Variants in ZYX observed in about 807,000 individuals in gnomAD.
The protein encoded by ZYX is zyxin.
In ZYX, 37 loss-of-function variants were observed where a neutral mutation model predicts 58.1. The observed-to-expected ratio is 0.64, with a 90% CI of 0.49 to 0.84. The LOEUF is 0.84. Among genes scored for constraint, ZYX ranks in the 40% least tolerant of loss-of-function variants. The pLI is 0.00. For missense variants in ZYX, 762 were observed against 761.6 expected (o/e 1.00, Z -0.01); for synonymous variants, 324 against 321.1 (o/e 1.01, Z -0.10).
rs59995035 is a variant in ZYX, at chr7:143,385,660, C to CTTTTTTTTTTTTTTTTTTTTT, written c.1023+2344_1023+2364dup. Among the ~76,000 whole-genome samples, 26 of 68,968 alleles carry CTTTTTTTTTTTTTTTTTTTTT rather than the reference C, an allele frequency of 3.8e-4. 5 individuals are homozygous for CTTTTTTTTTTTTTTTTTTTTT. The highest frequency in any genetic ancestry group is 9.5e-4 in the Admixed American group (4 of 4,202). The allele number at this position is 68,968 out of a possible 152,430, so 45.2% of individuals were successfully genotyped here. A position where few individuals can be genotyped will look rare whatever the true frequency, so the allele number is the denominator to read the frequency against. Reference sequence around the variant, plus strand: ...TGTGTGAGCGTGTGGTGTGGTATATCTTTTTTTTTTTTTTTTTTTTTTTTT... The same window carrying CTTTTTTTTTTTTTTTTTTTTT: ...TGTGTGAGCGTGTGGTGTGGTATATCTTTTTTTTTTTTTTTTTTTTTTTTTTTTTTTTTTTTTTTTTTTTTT... On this transcript the variant is annotated intron_variant, in intron 5 of 9. Transcript: ENST00000322764.
chr7:143,388,305 G>A lies in ZYX; in HGVS notation c.1110G>A (p.Met370Ile), dbSNP rs1804939531. The A allele has an allele frequency of 6.2e-7, 1 of 1,613,728 alleles. No individual in the cohort carries two copies. The highest frequency in any genetic ancestry group is 1.3e-5 in the African/African-American group (1 of 74,848). Residue 370 changes from methionine to isoleucine, a missense_variant, in exon 6 of 10, where the codon ATG becomes ATA. Physicochemically the swap from Met to Ile is conservative, Grantham distance 10. Coordinates refer to ENST00000322764, the MANE Select transcript of ZYX (RefSeq NM_003461.5). This position sits in a 1 kb window ranked among gnomAD's most constrained non-coding sequence, Gnocchi z 7.5. ...TGACCCAGCAGCTAATGCAGGACATGGAGCATCCTCAGAGGCAGAATGTGG... is the reference window on the plus strand; with the variant it reads ...TGACCCAGCAGCTAATGCAGGACATAGAGCATCCTCAGAGGCAGAATGTGG... ...EQLTQQLMQDMEHPQRQNVAV... is the reference protein window; with the variant it reads ...EQLTQQLMQDIEHPQRQNVAV...
chr7:143,390,385 G>A lies in ZYX; in HGVS notation c.1615-193G>A, dbSNP rs1805028146. 1.7e-6 allele frequency: 1 copy of A among 593,358 alleles called. No individual in the cohort carries two copies. The highest frequency in any genetic ancestry group is 2.8e-5 in the East Asian group (1 of 35,378). The allele number at this position is 593,358 out of a possible 1,614,324, so 36.8% of individuals were successfully genotyped here. A position where few individuals can be genotyped will look rare whatever the true frequency, so the allele number is the denominator to read the frequency against. ...AGCTCTACCCACTGCTTGCCCTCTT[G>A]CAGGAAGGTCCTAGTGGGTGACTGG... On this transcript the variant is annotated intron_variant, in intron 9 of 9. Coordinates refer to ENST00000322764, the MANE Select transcript of ZYX (RefSeq NM_003461.5). This position sits in a 1 kb window ranked among gnomAD's most constrained non-coding sequence, Gnocchi z 4.3.
At chr7:143,386,361 C>T (rs917832379) in intron 5 of ZYX, among the ~76,000 whole-genome samples, 2 of 151,922 alleles carry the variant, frequency 1.3e-5, no homozygotes, top group African/African-American at 4.8e-5. Context: ...GGCTGGCTTC[C>T]ATGTCCTCAA....
At position 143,388,813 on chromosome 7, in the gene ZYX, G is replaced by A. The variant is rs768352370; in HGVS notation, c.1361G>A (p.Arg454His). 8.7e-6 allele frequency: 14 copies of A among 1,613,922 alleles called. No individual in the cohort carries two copies. Among genetic ancestry groups the A allele is most frequent in the Non-Finnish European group, 1.1e-5 (13 of 1,179,974 alleles). The stretch of plus-strand genomic sequence containing the variant: ...ACCTGCGGGGAGCCCATCACTGACC[G>A]CATGCTGAGGGCCACGGGCAAGGCC... ...CNTCGEPITD[R>H]MLRATGKAYH... The change falls in exon 8 of 10, where the codon CGC becomes CAC. Residue 454 changes from arginine (R) to histidine (H), a missense_variant. Physicochemically the swap from Arg to His is conservative, Grantham distance 29 (BLOSUM62 0). Coordinates refer to ENST00000322764, the MANE Select transcript of ZYX (RefSeq NM_003461.5). This position sits in a 1 kb window ranked among gnomAD's most constrained non-coding sequence, Gnocchi z 7.5.
In ZYX at chr7:143,389,205, G is replaced by A. The variant is rs1181614936; in HGVS notation, c.1493+260G>A. Among the ~76,000 whole-genome samples the A allele has an allele frequency of 1.3e-5, 2 of 152,314 alleles. No individual in the cohort carries two copies. Among genetic ancestry groups the A allele is most frequent in the South Asian group, 2.1e-4 (1 of 4,826 alleles). Reference sequence around the variant, plus strand: ...TATTGTGGGTGTATGTCAGCATTTCGTGAAGTGTGCTGGAGTGACTTCATC... The same window carrying A: ...TATTGTGGGTGTATGTCAGCATTTCATGAAGTGTGCTGGAGTGACTTCATC... On this transcript the variant is annotated intron_variant, in intron 8 of 9. Coordinates refer to ENST00000322764, the MANE Select transcript of ZYX (RefSeq NM_003461.5). The surrounding 1 kb of genome is among the most constrained non-coding windows in gnomAD (Gnocchi z 5.6).
rs763944977 is a variant in ZYX at position 143,381,580 on chromosome 7, C to A, written c.9C>A (p.Ala3=). 7.5e-6 allele frequency: 12 copies of A among 1,610,102 alleles called. No individual in the cohort carries two copies. The highest frequency in any genetic ancestry group is 1.0e-5 in the Non-Finnish European group (12 of 1,178,720). The part of the protein sequence containing the change: MA[A]PRPSPAISVS... ...AGCAGCCCGGCCCGGCCATGGCGGC[C>A]CCCCGCCCGTCTCCCGCGATCTCCG... is the stretch of plus-strand genomic sequence containing the variant. The change falls in exon 2 of 10, where the codon GCC becomes GCA. Residue 3 remains alanine, a synonymous_variant. Coordinates refer to ENST00000322764, the MANE Select transcript of ZYX (RefSeq NM_003461.5).
chr7:143,387,907 G>A lies in ZYX; in HGVS notation c.1024-312G>A, dbSNP rs944628886. 4 of 511,956 alleles carry A rather than the reference G, an allele frequency of 7.8e-6. No individual in the cohort carries two copies. The highest frequency in any genetic ancestry group is 5.2e-5 in the East Asian group (1 of 19,260). 31.7% of individuals were successfully genotyped at this position (511,956 alleles called of 1,614,324 possible). A position where few individuals can be genotyped will look rare whatever the true frequency, so the allele number is the denominator to read the frequency against. On this transcript the variant is annotated intron_variant, in intron 5 of 9. Transcript: ENST00000322764. This position sits in a 1 kb window ranked among gnomAD's most constrained non-coding sequence, Gnocchi z 5.8. Reference sequence around the variant, plus strand: ...GGAGTGTCCGGTGCTTCAGTGACCCGAGCTGCTGTGTGCGTGGCCTCCGTC... The same window carrying A: ...GGAGTGTCCGGTGCTTCAGTGACCCAAGCTGCTGTGTGCGTGGCCTCCGTC...
chr7:143,383,446 G>T (rs1804736855), intron 5 of ZYX, 124 bp downstream of exon 5: 1 of 1,244,860 alleles, frequency 8.0e-7, no homozygotes, highest in East Asian at 2.6e-5. Context: ...CGGGGTGGCG[G>T]GATAGGAATT....
Position 143,382,690 on chromosome 7 carries a change from G to T in ZYX, c.501+5G>T. On this transcript the variant is annotated splice_donor_5th_base_variant and intron_variant, in intron 4 of 9. Coordinates refer to ENST00000322764, the MANE Select transcript of ZYX (RefSeq NM_003461.5). The stretch of plus-strand genomic sequence containing the variant: ...AATGATCCTTTCAAAGCCCGGGTAA[G>T]GGACCGGAGAGTAGGAAAAGCAGGG... 6.2e-7 allele frequency: 1 copy of T among 1,614,100 alleles called. No homozygotes were observed. Among genetic ancestry groups the T allele is most frequent in the South Asian group, 1.1e-5 (1 of 91,086 alleles).
At chr7:143,381,887 G>A (rs1200991081) in intron 2 of ZYX, 108 bp downstream of exon 2, 5 of 1,107,330 alleles carry the variant, frequency 4.5e-6, no homozygotes, top group Non-Finnish European at 6.3e-6. Context: ...GGGGCTGGGC[G>A]CAGCCACCCT....
chr7:143,385,736 C>G (rs1586567391), intron 5 of ZYX, among the ~76,000 whole-genome samples: 1 of 144,064 alleles, frequency 6.9e-6, no homozygotes, highest in Non-Finnish European at 1.5e-5. Flanking sequence ...CTCCGCCCCC[C>G]TGGCTCAAAC....
In ZYX at chr7:143,390,498, T is replaced by C; in HGVS notation, c.1615-80T>C. The C allele has an allele frequency of 9.5e-7, 1 of 1,048,024 alleles. No individual in the cohort carries two copies. Among genetic ancestry groups the C allele is most frequent in the African/African-American group, 1.6e-5 (1 of 63,330 alleles). The allele number at this position is 1,048,024 out of a possible 1,614,324, so 64.9% of individuals were successfully genotyped here. A position where few individuals can be genotyped will look rare whatever the true frequency, so the allele number is the denominator to read the frequency against. ...ATGAAGCATCTTTCTAATTCCAAGA[T>C]GGAGCTGGATGGGGTGGGGTAGGGT... On this transcript the variant is annotated intron_variant, in intron 9 of 9. Transcript: ENST00000322764. This position sits in a 1 kb window ranked among gnomAD's most constrained non-coding sequence, Gnocchi z 4.3.
chr7:143,386,872 C>T (rs1477527665), intron 5 of ZYX, among the ~76,000 whole-genome samples: 3 of 152,074 alleles, frequency 2.0e-5, no homozygotes, highest in Admixed American at 6.5e-5. Flanking sequence ...TGGTTTGAAG[C>T]GGTGGCATTG....
In ZYX at chr7:143,390,747, C is replaced by A; in HGVS notation, c.*65C>A. On this transcript the variant is annotated 3_prime_UTR_variant, in exon 10 of 10. Coordinates refer to ENST00000322764, the MANE Select transcript of ZYX (RefSeq NM_003461.5). The surrounding 1 kb of genome is among the most constrained non-coding windows in gnomAD (Gnocchi z 4.3). ...TTGTGGACCACCCACACTGAGACCA[C>A]CTGCCCCCACCTCAGTTATTGTTTT... is the stretch of plus-strand genomic sequence containing the variant. The A allele has an allele frequency of 8.7e-7, 1 of 1,153,500 alleles. No individual in the cohort carries two copies. The highest frequency in any genetic ancestry group is 1.3e-6 in the Non-Finnish European group (1 of 792,104). 71.5% of individuals were successfully genotyped at this position (1,153,500 alleles called of 1,614,324 possible).
Position 143,384,206 on chromosome 7 carries a change from A to T in ZYX, c.1023+884A>T, listed in dbSNP as rs766192803. 4.2e-6 allele frequency: 2 copies of T among 471,826 alleles called. No individual in the cohort carries two copies. The highest frequency in any genetic ancestry group is 3.1e-5 in the South Asian group (2 of 64,574). The allele number at this position is 471,826 out of a possible 1,614,324, so 29.2% of individuals were successfully genotyped here. A position where few individuals can be genotyped will look rare whatever the true frequency, so the allele number is the denominator to read the frequency against. ...GTCTACCTACACTCGGACACAGCAT[A>T]GGAAGAAATGCCAAGGGCCAGTGAG... is the stretch of plus-strand genomic sequence containing the variant. On this transcript the variant is annotated intron_variant, in intron 5 of 9. Transcript: ENST00000322764. The surrounding 1 kb of genome is among the most constrained non-coding windows in gnomAD (Gnocchi z 4.9).
At chr7:143,385,552 G>GTGTGAT (rs1003928781) in intron 5 of ZYX, among the ~76,000 whole-genome samples, 2 of 151,392 alleles carry the variant, frequency 1.3e-5, no homozygotes, top group Middle Eastern at 3.4e-3. Flanking sequence ...TGTGTATGGT[G>GTGTGAT]TGTGATTGCA....
rs2116603922 is a variant in ZYX at position 143,390,924 on chromosome 7, C to T, written c.*242C>T. The T allele has an allele frequency of 9.6e-6, 5 of 519,660 alleles. No homozygotes were observed. Among genetic ancestry groups the T allele is most frequent in the Non-Finnish European group, 1.4e-5 (4 of 286,418 alleles). The allele number at this position is 519,660 out of a possible 1,614,324, so 32.2% of individuals were successfully genotyped here. A position where few individuals can be genotyped will look rare whatever the true frequency, so the allele number is the denominator to read the frequency against. On this transcript the variant is annotated 3_prime_UTR_variant, in exon 10 of 10. Transcript: ENST00000322764. This position sits in a 1 kb window ranked among gnomAD's most constrained non-coding sequence, Gnocchi z 4.3. The stretch of plus-strand genomic sequence containing the variant: ...TGCCCACCGTCTTCCAGACACCCCA[C>T]CTGAGGGGGGCACCAGGTTTAGTGC...
rs1216242715 is a variant in ZYX at position 143,390,101 on chromosome 7, C to T, written c.1614+124C>T. 4.3e-6 allele frequency: 6 copies of T among 1,393,306 alleles called. No individual in the cohort carries two copies. The highest frequency in any genetic ancestry group is 4.9e-6 in the Non-Finnish European group (5 of 1,013,974). 86.3% of individuals were successfully genotyped at this position (1,393,306 alleles called of 1,614,324 possible). On this transcript the variant is annotated intron_variant, in intron 9 of 9. Coordinates refer to ENST00000322764, the MANE Select transcript of ZYX (RefSeq NM_003461.5). This position sits in a 1 kb window ranked among gnomAD's most constrained non-coding sequence, Gnocchi z 4.3. ...AACAGGGCTGTGATTTTGAGGGTGGCTCATGGTGGCACCCCATCTGTCCTG... is the reference window on the plus strand; with the variant it reads ...AACAGGGCTGTGATTTTGAGGGTGGTTCATGGTGGCACCCCATCTGTCCTG...
rs966180125 is a variant in ZYX, at chr7:143,390,931, G to A, written c.*249G>A. The stretch of plus-strand genomic sequence containing the variant: ...CGTCTTCCAGACACCCCACCTGAGG[G>A]GGGCACCAGGTTTAGTGCTGCTGCT... On this transcript the variant is annotated 3_prime_UTR_variant, in exon 10 of 10. Coordinates refer to ENST00000322764, the MANE Select transcript of ZYX (RefSeq NM_003461.5). This position sits in a 1 kb window ranked among gnomAD's most constrained non-coding sequence, Gnocchi z 4.3. The A allele has an allele frequency of 2.7e-5, 14 of 512,886 alleles. No individual in the cohort carries two copies. Among genetic ancestry groups the A allele is most frequent in the African/African-American group, 2.3e-4 (12 of 51,678 alleles). The allele number at this position is 512,886 out of a possible 1,614,324, so 31.8% of individuals were successfully genotyped here. A position where few individuals can be genotyped will look rare whatever the true frequency, so the allele number is the denominator to read the frequency against.
Sources: allele counts gnomAD v4.1 joint callset (sites outside exome capture counted in the v4.1 genomes callset), GRCh38; gene constraint gnomAD v4.1.1; non-coding constraint Gnocchi (gnomAD v3.1); transcripts MANE v1.5; gene names NCBI Gene and HGNC (gene_info 2026-07-23, HGNC 2026-07-21).